Variants in EXOC6B observed in about 807,000 individuals in gnomAD.
EXOC6B encodes the protein exocyst complex component 6B.
In EXOC6B, 54 loss-of-function variants were observed where a neutral mutation model predicts 113.5. The ratio of observed to expected loss-of-function variants is 0.48; its 90% CI spans 0.38 to 0.60. EXOC6B has a LOEUF of 0.60. EXOC6B is among the 20% of genes least tolerant of loss of function. The pLI is 0.00. For missense variants in EXOC6B, 797 were observed against 977.5 expected, an observed-to-expected ratio of 0.82 and a Z score of 2.46; for synonymous variants, 357 against 339.0, an observed-to-expected ratio of 1.05 and a Z score of -0.58.
intron 1 of EXOC6B, among the ~76,000 whole-genome samples, chr2:72,822,680 G>A (rs199954881): frequency 1.3e-5 from 2 of 151,830 alleles, no homozygotes; most frequent in Non-Finnish European, 2.9e-5. Flanking sequence ...GGTATTTTAG[G>A]GATATACTAA....
intron 18 of EXOC6B, among the ~76,000 whole-genome samples, chr2:72,392,401 G>T (rs996845490): frequency 6.6e-6 from 1 of 152,212 alleles, no homozygotes; most frequent in African/African-American, 2.4e-5. Context: ...AGTGAGGATT[G>T]AACCCCAGCT....
chr2:72,612,762 G>A (rs1671153250), intron 6 of EXOC6B, among the ~76,000 whole-genome samples: 1 of 152,132 alleles, frequency 6.6e-6, no homozygotes, highest in Non-Finnish European at 1.5e-5. Flanking sequence ...CTAGATGACT[G>A]CCTACCTCCC....
chr2:72,355,215 T>A (rs1159214761), intron 19 of EXOC6B, among the ~76,000 whole-genome samples: 1 of 152,206 alleles, frequency 6.6e-6, no homozygotes, highest in Non-Finnish European at 1.5e-5. Flanking sequence ...TATGCATATA[T>A]ACACATACTC....
intron 19 of EXOC6B, 118 bp from the exon 20 acceptor site, chr2:72,335,138 G>T: frequency 1.2e-6 from 1 of 841,718 alleles, no homozygotes; most frequent in African/African-American, 1.7e-5. Flanking sequence ...AGCTTCTAAG[G>T]AGTCATGTCT....
intron 20 of EXOC6B, among the ~76,000 whole-genome samples, chr2:72,332,750 T>A (rs1004791144): frequency 1.4e-4 from 22 of 152,150 alleles, no homozygotes; most frequent in African/African-American, 5.3e-4. Flanking sequence ...TCAAAAATTC[T>A]ATTTTAGAAG....
Position 72,465,161 on chromosome 2 carries a change from G to T in EXOC6B, c.1979C>A (p.Pro660His). The change falls in exon 18 of 22, where the codon CCT becomes CAT. Residue 660 changes from proline to histidine, a missense_variant and splice_region_variant. By Grantham distance (77) the Pro-to-His change is moderately conservative (BLOSUM62 -2). Transcript: ENST00000272427. ...ACAAAGTAAGCAACTGCCACTTACAGGAAGGTGTGTGAATACAGCAAAGGT... is the reference window on the plus strand; with the variant it reads ...ACAAAGTAAGCAACTGCCACTTACATGAAGGTGTGTGAATACAGCAAAGGT... The part of the protein sequence containing the change: ...RSTFAVFTHL[P>H]GKVAQTACMS... 6.2e-7 allele frequency: 1 copy of T among 1,608,806 alleles called. No homozygotes were observed. Among genetic ancestry groups the T allele is most frequent in the Non-Finnish European group, 8.5e-7 (1 of 1,177,294 alleles).
At chr2:72,312,064 A>G (rs1412430050) in intron 20 of EXOC6B, among the ~76,000 whole-genome samples, 3 of 152,232 alleles carry the variant, frequency 2.0e-5, no homozygotes, top group African/African-American at 7.2e-5. Context: ...TATATCCCGA[A>G]ATACCTCAGA....
At chr2:72,556,572 G>GAA (rs1333646853) in intron 8 of EXOC6B, among the ~76,000 whole-genome samples, 2 of 152,034 alleles carry the variant, frequency 1.3e-5, no homozygotes, top group Non-Finnish European at 2.9e-5. Flanking sequence ...AGCTTCTGTT[G>GAA]AAAAACAAAG....
At chr2:72,793,593 GA>G (rs925584793) in intron 1 of EXOC6B, among the ~76,000 whole-genome samples, 9 of 151,894 alleles carry the variant, frequency 5.9e-5, no homozygotes, top group African/African-American at 2.2e-4. Context: ...GAGGAGTCAG[GA>G]AAAAAAAGAG....
chr2:72,650,551 G>A (rs1157428356), intron 6 of EXOC6B, among the ~76,000 whole-genome samples: 1 of 151,374 alleles, frequency 6.6e-6, no homozygotes, highest in Admixed American at 6.6e-5. Flanking sequence ...CCGAGATCGC[G>A]CCACTGCACT....
At chr2:72,793,453 G>A (rs1684787581) in intron 1 of EXOC6B, among the ~76,000 whole-genome samples, 1 of 152,140 alleles carries the variant, frequency 6.6e-6, no homozygotes. Context: ...AAAACGCATA[G>A]AAAGGTAAAA....
At chr2:72,559,007 G>A (rs187697143) in intron 8 of EXOC6B, among the ~76,000 whole-genome samples, 5 of 152,172 alleles carry the variant, frequency 3.3e-5, no homozygotes, top group Admixed American at 3.3e-4. Flanking sequence ...AATGGAGAAA[G>A]GGATCATTTC....
intron 17 of EXOC6B, among the ~76,000 whole-genome samples, chr2:72,474,349 G>A (rs1243977529): frequency 6.6e-6 from 1 of 152,074 alleles, no homozygotes; most frequent in African/African-American, 2.4e-5. Flanking sequence ...ACTGCATTAA[G>A]TAAGTTTTCC....
chr2:72,629,054 T>C (rs1672232114), intron 6 of EXOC6B, among the ~76,000 whole-genome samples: 1 of 152,334 alleles, frequency 6.6e-6, no homozygotes, highest in African/African-American at 2.4e-5. Flanking sequence ...GCCATTTTGA[T>C]GGCCACAAAA....
chr2:72,661,651 C>G (rs554174946), intron 6 of EXOC6B, among the ~76,000 whole-genome samples: 1 of 152,016 alleles, frequency 6.6e-6, no homozygotes, highest in African/African-American at 2.4e-5. Context: ...AGATTCGATG[C>G]AATTGCAATT....
chr2:72,388,036 A>G (rs935099022), intron 18 of EXOC6B, among the ~76,000 whole-genome samples: 1 of 152,158 alleles, frequency 6.6e-6, no homozygotes, highest in Non-Finnish European at 1.5e-5. Flanking sequence ...GTCTGAAGAC[A>G]TGTTTGGTTG....
intron 6 of EXOC6B, among the ~76,000 whole-genome samples, chr2:72,618,010 A>C (rs1167560463): frequency 6.6e-6 from 1 of 152,166 alleles, no homozygotes; most frequent in Admixed American, 6.5e-5. Context: ...ATCTTGACTA[A>C]AAGTGGGGAC....
At chr2:72,674,658 C>T (rs1207132429) in intron 6 of EXOC6B, among the ~76,000 whole-genome samples, 5 of 150,996 alleles carry the variant, frequency 3.3e-5, no homozygotes, top group Non-Finnish European at 7.4e-5. Flanking sequence ...GGTGAAACCC[C>T]GTCTCTACTA....
chr2:72,184,329 C>T, intron 20 of EXOC6B, 142 bp from the exon 21 acceptor site: 1 of 550,054 alleles, frequency 1.8e-6, no homozygotes, highest in Non-Finnish European at 3.2e-6. Context: ...AGAACAGCTG[C>T]AGACTATTCT....
Sources: gnomAD v4.1 joint callset for allele counts (sites outside exome capture counted in the v4.1 genomes callset) on GRCh38, gnomAD v4.1.1 for gene constraint, MANE v1.5 for transcripts, NCBI Gene and HGNC (gene_info 2026-07-23, HGNC 2026-07-21) for gene names.